The following RPLP0 variants were observed in gnomAD, a reference collection of about 807,000 sequenced individuals.
RPLP0 encodes the protein ribosomal protein lateral stalk subunit P0.
For missense variants in RPLP0, 276 were observed against 402.9 expected (o/e 0.69, Z 2.70); for synonymous variants, 137 against 153.4 (o/e 0.89, Z 0.79).
Position 120,201,092 on chromosome 12 carries a change from G to T in RPLP0, c.-58C>A. On this transcript the variant is annotated 5_prime_UTR_variant, in exon 1 of 8. Transcript: ENST00000392514. ...TAACTAGCACACGAACCTTCCACGA[G>T]GACGCCTGGCGAGAGAAGGGCCTCG... 2.7e-6 allele frequency: 1 copy of T among 365,070 alleles called. No individual in the cohort carries two copies. Among genetic ancestry groups the T allele is most frequent in the East Asian group, 4.4e-5 (1 of 22,480 alleles). 22.6% of individuals were successfully genotyped at this position (365,070 alleles called of 1,614,324 possible). A position where few individuals can be genotyped will look rare whatever the true frequency, so the allele number is the denominator to read the frequency against.
Position 120,198,659 on chromosome 12 carries a change from G to C in RPLP0, c.546C>G (p.Pro182=), listed in dbSNP as rs775222896. The change falls in exon 6 of 8, where the codon CCC becomes CCG. Residue 182 remains proline, a synonymous_variant. Coordinates refer to ENST00000392514, the MANE Select transcript of RPLP0 (RefSeq NM_001002.4). The surrounding 1 kb of genome is among the most constrained non-coding windows in gnomAD (Gnocchi z 4.1). ...ATLLNMLNIS[P]FSFGLVIQQV... is the part of the protein sequence containing the mutation. ...GCTGGATGACCAGCCCAAAGGAGAA[G>C]GGGGAGATGTTGAGCATGTTCAGCA... is the stretch of plus-strand genomic sequence containing the variant. 6.2e-7 allele frequency: 1 copy of C among 1,614,110 alleles called. No homozygotes were observed. The highest frequency in any genetic ancestry group is 1.1e-5 in the South Asian group (1 of 91,086).
intron 2 of RPLP0, chr12:120,199,695 C>A: frequency 1.8e-6 from 1 of 558,760 alleles, no homozygotes; most frequent in Non-Finnish European, 3.2e-6. Flanking sequence ...TTTCTACATT[C>A]AATCAAGGAG....
At chr12:120,197,749 T>C in intron 6 of RPLP0, 1 of 353,884 alleles carries the variant, frequency 2.8e-6, no homozygotes, top group Non-Finnish European at 5.2e-6. Context: ...AACGTAGCCA[T>C]TGAGTTCCAT....
chr12:120,199,667 T>C, intron 2 of RPLP0, 182 bp from the exon 3 acceptor site: 10 of 622,480 alleles, frequency 1.6e-5, no homozygotes, highest in Non-Finnish European at 2.8e-5. Context: ...TAGCTGGGTA[T>C]GAACGCTGAA....
chr12:120,198,054 A>G lies in RPLP0; in HGVS notation c.651+500T>C, dbSNP rs1879251113. ...TTTTGATGGCAAAATGTGAGTCTCAATGCAGGCCCTAGAATAACAGCCCCA... is the reference window on the plus strand; with the variant it reads ...TTTTGATGGCAAAATGTGAGTCTCAGTGCAGGCCCTAGAATAACAGCCCCA... On this transcript the variant is annotated intron_variant, in intron 6 of 7. Transcript: ENST00000392514. This position sits in a 1 kb window ranked among gnomAD's most constrained non-coding sequence, Gnocchi z 4.1. Among the ~76,000 whole-genome samples the G allele has an allele frequency of 6.6e-6, 1 of 152,074 alleles. No individual in the cohort carries two copies. The highest frequency in any genetic ancestry group is 1.5e-5 in the Non-Finnish European group (1 of 68,008).
Position 120,198,950 on chromosome 12 carries a change from C to T in RPLP0, c.369G>A (p.Val123=), listed in dbSNP as rs1192182412. 2 of 1,613,876 alleles carry T rather than the reference C, an allele frequency of 1.2e-6. No individual in the cohort carries two copies. Among genetic ancestry groups the T allele is most frequent in the Non-Finnish European group, 1.7e-6 (2 of 1,179,842 alleles). ...AGAIAPCEVT[V]PAQNTGLGPE... The stretch of plus-strand genomic sequence containing the variant: ...GCCCGAGACCAGTGTTCTGGGCTGG[C>T]ACAGTGACTTCACATGGGGCAATGG... Residue 123 remains valine, a synonymous_variant, in exon 5 of 8, where the codon GTG becomes GTA. Transcript: ENST00000392514. This position sits in a 1 kb window ranked among gnomAD's most constrained non-coding sequence, Gnocchi z 4.1.
chr12:120,197,083 G>C, intron 7 of RPLP0, 149 bp from the exon 8 acceptor site: 1 of 1,341,100 alleles, frequency 7.5e-7, no homozygotes, highest in Admixed American at 2.0e-5. Flanking sequence ...GACAGCTTGG[G>C]TATGGCCTAG....
In RPLP0 at chr12:120,196,803, G is replaced by A. The variant is rs375808013; in HGVS notation, c.924C>T (p.Asp308=). The A allele has an allele frequency of 6.4e-5, 102 of 1,592,222 alleles. No homozygotes were observed. The highest frequency in any genetic ancestry group is 7.5e-5 in the Non-Finnish European group (87 of 1,164,634). Residue 308 remains aspartate (D), a synonymous_variant, in exon 8 of 8, where the codon GAC becomes GAT. Coordinates refer to ENST00000392514, the MANE Select transcript of RPLP0 (RefSeq NM_001002.4). ...VEAKEESEES[D]EDMGFGLFD is the part of the protein sequence containing the mutation. ...CAAAGAGACCAAATCCCATATCCTC[G>A]TCCGACTCCTCCGACTCTTCCTTGG...
At chr12:120,200,130 G>C (rs1594300082) in intron 2 of RPLP0, 4 of 455,858 alleles carry the variant, frequency 8.8e-6, no homozygotes, top group Non-Finnish European at 1.3e-5. Context: ...TCCTTACAAT[G>C]AGTCATTCCT....
At chr12:120,197,935 TA>T (rs57937300) in intron 6 of RPLP0, 34,295 of 161,892 alleles carry the variant, frequency 0.21, 4,473 homozygotes, top group East Asian at 0.54. Flanking sequence ...TAAAGGGCAT[TA>T]TTTTTTTTGT....
intron 2 of RPLP0, chr12:120,200,087 G>C: frequency 2.2e-6 from 1 of 456,088 alleles, no homozygotes; most frequent in Non-Finnish European, 4.4e-6. Flanking sequence ...TAAGTTTCTT[G>C]GCTGACAGGT....
intron 1 of RPLP0, 77 bp from the exon 2 acceptor site, chr12:120,200,908 ACG>A: frequency 1.4e-6 from 2 of 1,446,464 alleles, no homozygotes; most frequent in South Asian, 2.9e-5. Context: ...GGAGCAGGAC[ACG>A]CGCAATCGCC....
In RPLP0 at chr12:120,197,680, A is replaced by G. The variant is rs1009675840; in HGVS notation, c.652-218T>C. On this transcript the variant is annotated intron_variant, in intron 6 of 7. Coordinates refer to ENST00000392514, the MANE Select transcript of RPLP0 (RefSeq NM_001002.4). ...TTCCAAATCCAGGTCTTCTGTATCC[A>G]TTGTTGATGGCATTTACTTCCAAAG... 9.0e-6 allele frequency: 5 copies of G among 555,848 alleles called. No individual in the cohort carries two copies. In the African/African-American group the frequency reaches 9.4e-5, roughly 10 times the overall value. The allele number at this position is 555,848 out of a possible 1,614,324, so 34.4% of individuals were successfully genotyped here. A position where few individuals can be genotyped will look rare whatever the true frequency, so the allele number is the denominator to read the frequency against.
intron 2 of RPLP0, 109 bp downstream of exon 2, chr12:120,200,621 T>A (rs1448669435): frequency 8.3e-7 from 1 of 1,209,942 alleles, no homozygotes; most frequent in Admixed American, 2.5e-5. Flanking sequence ...TTCCCAAAAA[T>A]GGCCTAATTC....
intron 1 of RPLP0, 56 bp from the exon 2 acceptor site, chr12:120,200,887 C>T: frequency 6.6e-7 from 1 of 1,509,338 alleles, no homozygotes; most frequent in Middle Eastern, 2.4e-4. Flanking sequence ...CCCGCGGTCC[C>T]GGGCCTAAGA....
rs1047967799 is a variant in RPLP0 at position 120,198,209 on chromosome 12, G to A, written c.651+345C>T. ...GGAGATCGACACCATCCTGGCTAAC[G>A]CGGTGAAACCTAAAAATACAAAAAA... is the stretch of plus-strand genomic sequence containing the variant. On this transcript the variant is annotated intron_variant, in intron 6 of 7. Coordinates refer to ENST00000392514, the MANE Select transcript of RPLP0 (RefSeq NM_001002.4). This position sits in a 1 kb window ranked among gnomAD's most constrained non-coding sequence, Gnocchi z 4.1. 17 of 295,034 alleles carry A rather than the reference G, an allele frequency of 5.8e-5. No homozygotes were observed. Among genetic ancestry groups the A allele is most frequent in the African/African-American group, 2.6e-4 (12 of 45,528 alleles). The allele number at this position is 295,034 out of a possible 1,614,324, so 18.3% of individuals were successfully genotyped here.
rs1451917685 is a variant in RPLP0 at position 120,198,530 on chromosome 12, G to A, written c.651+24C>T. The A allele has an allele frequency of 6.2e-7, 1 of 1,613,748 alleles. No individual in the cohort carries two copies. Among genetic ancestry groups the A allele is most frequent in the South Asian group, 1.1e-5 (1 of 91,040 alleles). ...CATGCTCTCAACCATCAGTGTAAGA[G>A]GGGGCAAGGCTGACAGCATATACCT... On this transcript the variant is annotated intron_variant, in intron 6 of 7. Transcript: ENST00000392514. This position sits in a 1 kb window ranked among gnomAD's most constrained non-coding sequence, Gnocchi z 4.1.
chr12:120,199,225 G>A lies in RPLP0; in HGVS notation c.231-20C>T, dbSNP rs370936737. 2.5e-6 allele frequency: 4 copies of A among 1,613,158 alleles called. No individual in the cohort carries two copies. The African/African-American group carries it at 5.3e-5, about 22-fold the overall frequency. On this transcript the variant is annotated intron_variant, in intron 3 of 7. Transcript: ENST00000392514. The stretch of plus-strand genomic sequence containing the variant: ...AGCAGTCTGCAAAGAGAAGTTTATG[G>A]GAGACAATCACCTTTCAGCACCATT...
intron 6 of RPLP0, chr12:120,197,770 T>C (rs758116153): frequency 1.6e-5 from 5 of 306,962 alleles, no homozygotes; most frequent in Non-Finnish European, 3.1e-5. Context: ...GAACGAAAAA[T>C]GTTCAACGAT....
Sources: allele counts gnomAD v4.1 joint callset (sites outside exome capture counted in the v4.1 genomes callset), GRCh38; gene constraint gnomAD v4.1.1; non-coding constraint Gnocchi (gnomAD v3.1); transcripts MANE v1.5; gene names NCBI Gene and HGNC (gene_info 2026-07-23, HGNC 2026-07-21).